The following CDH13 variants were observed in gnomAD, a reference collection of about 807,000 sequenced individuals.
The protein encoded by CDH13 is cadherin 13, also known as cadherin-13.
A neutral mutation model predicts 63.8 loss-of-function variants in CDH13; 24 were observed. The ratio of observed to expected loss-of-function variants is 0.38; its 90% CI spans 0.27 to 0.53. CDH13 has a LOEUF of 0.53. Ranked by LOEUF, CDH13 falls within the 20% of genes least tolerant of loss-of-function variation. CDH13 has a pLI of 0.85. For missense variants in CDH13, 1,049 were observed against 903.1 expected, an observed-to-expected ratio of 1.16 and a Z score of -2.07; for synonymous variants, 503 against 355.3, an observed-to-expected ratio of 1.42 and a Z score of -4.67.
At chr16:83,469,491 A>G (rs1410864849) in intron 6 of CDH13, among the ~76,000 whole-genome samples, 5 of 152,212 alleles carry the variant, frequency 3.3e-5, no homozygotes, top group African/African-American at 7.2e-5. Flanking sequence ...TCAGCGGGGA[A>G]TAACTAAAGC....
At chr16:83,322,431 C>T (rs140680974) in intron 5 of CDH13, among the ~76,000 whole-genome samples, 9 of 152,304 alleles carry the variant, frequency 5.9e-5, no homozygotes, top group Non-Finnish European at 1.3e-4. Flanking sequence ...TGCACTCACT[C>T]GGTGATGATT....
chr16:83,028,676 A>G (rs992739934), intron 2 of CDH13, among the ~76,000 whole-genome samples: 1 of 152,238 alleles, frequency 6.6e-6, no homozygotes, highest in South Asian at 2.1e-4. Flanking sequence ...TAAAATATTA[A>G]CAACAATAAC....
chr16:83,470,137 A>G (rs1168217673), intron 6 of CDH13, among the ~76,000 whole-genome samples: 2 of 152,134 alleles, frequency 1.3e-5, no homozygotes, highest in African/African-American at 2.4e-5. Flanking sequence ...ACCTGTGTGC[A>G]CACTCTCGCT....
At chr16:83,783,516 A>G in intron 13 of CDH13, 44 bp downstream of exon 13, 1 of 1,463,666 alleles carries the variant, frequency 6.8e-7, no homozygotes, top group Non-Finnish European at 9.6e-7. Context: ...AGGAAATTGT[A>G]ACTTCACTGG....
intron 3 of CDH13, among the ~76,000 whole-genome samples, chr16:83,093,583 G>A (rs552449995): frequency 6.6e-6 from 1 of 151,942 alleles, no homozygotes; most frequent in East Asian, 1.9e-4. Context: ...GCCTCCCAAA[G>A]TGCTGGGATT....
intron 10 of CDH13, among the ~76,000 whole-genome samples, chr16:83,719,070 T>G (rs1342346801): frequency 1.3e-5 from 2 of 152,328 alleles, no homozygotes; most frequent in Non-Finnish European, 1.5e-5. Flanking sequence ...GCACCCTCAA[T>G]GCCTCTTAAA....
At chr16:83,562,275 C>T (rs1044251440) in intron 7 of CDH13, among the ~76,000 whole-genome samples, 1 of 152,088 alleles carries the variant, frequency 6.6e-6, no homozygotes, top group East Asian at 1.9e-4. Context: ...GGATCCTTGT[C>T]AGATAATAAG....
intron 5 of CDH13, among the ~76,000 whole-genome samples, chr16:83,259,192 A>T (rs1906659085): frequency 6.6e-6 from 1 of 152,140 alleles, no homozygotes; most frequent in African/African-American, 2.4e-5. Context: ...AGATTGATAT[A>T]AACCTTATGG....
rs1367116394 is a variant in CDH13, at chr16:82,848,569, A to AT, written c.46-9780dup. The stretch of plus-strand genomic sequence containing the variant: ...AGTGACCTTTGATGTTACTATTGTG[A>AT]TTTTTTTTTTTTTGGGTGGGGGGAG... On this transcript the variant is annotated intron_variant, in intron 1 of 13. Transcript: ENST00000567109. 9.4e-3 allele frequency among the ~76,000 whole-genome samples: 1,144 copies of AT among 121,422 alleles called. 6 individuals are homozygous for AT. Among genetic ancestry groups the AT allele is most frequent in the Non-Finnish European group, 0.011 (652 of 59,606 alleles). The allele number at this position is 121,422 out of a possible 152,430, so 79.7% of individuals were successfully genotyped here. A position where few individuals can be genotyped will look rare whatever the true frequency, so the allele number is the denominator to read the frequency against.
chr16:82,675,768 G>T (rs1013276952), intron 1 of CDH13, among the ~76,000 whole-genome samples: 3 of 152,170 alleles, frequency 2.0e-5, no homozygotes, highest in African/African-American at 7.2e-5. Flanking sequence ...ATCCAGTCCA[G>T]CCTTTGTGAC....
chr16:82,640,522 G>A (rs1213799824), intron 1 of CDH13, among the ~76,000 whole-genome samples: 1 of 152,120 alleles, frequency 6.6e-6, no homozygotes, highest in African/African-American at 2.4e-5. Flanking sequence ...AGCCACAGCC[G>A]ATATGTAAAT....
chr16:82,875,875 C>A (rs973963578), intron 2 of CDH13, among the ~76,000 whole-genome samples: 5 of 152,130 alleles, frequency 3.3e-5, no homozygotes, highest in African/African-American at 1.2e-4. Context: ...CAGACATACC[C>A]GAGACTGGGC....
chr16:83,528,181 C>G lies in CDH13; in HGVS notation c.960+41526C>G, dbSNP rs142343140. On this transcript the variant is annotated intron_variant, in intron 7 of 13. Transcript: ENST00000567109. ...CTAAACATATTCAGCTTTAATCACA[C>G]TTGCACGCATGCCTTCTTCCTTAAA... Among the ~76,000 whole-genome samples the G allele has an allele frequency of 8.2e-3, 1,244 of 152,332 alleles. 13 individuals carry two copies. The highest frequency in any genetic ancestry group is 0.028 in the African/African-American group (1,158 of 41,578).
At position 83,643,302 on chromosome 16, in the gene CDH13, G is replaced by GAAAAA. The variant is rs1033707256; in HGVS notation, c.1102-27482_1102-27478dup. Among the ~76,000 whole-genome samples, 615 of 71,570 alleles carry GAAAAA rather than the reference G, an allele frequency of 8.6e-3. 23 individuals are homozygous for GAAAAA. The highest frequency in any genetic ancestry group is 0.013 in the African/African-American group (207 of 15,590). The allele number at this position is 71,570 out of a possible 152,430, so 47.0% of individuals were successfully genotyped here. A position where few individuals can be genotyped will look rare whatever the true frequency, so the allele number is the denominator to read the frequency against. On this transcript the variant is annotated intron_variant, in intron 8 of 13. Coordinates refer to ENST00000567109, the MANE Select transcript of CDH13 (RefSeq NM_001257.5). Reference sequence around the variant, plus strand: ...GTATAATAAAAAAAAAAAAAAAAAAGAAAAAAAAAATTTAACAGATCTCTC... The same window carrying GAAAAA: ...GTATAATAAAAAAAAAAAAAAAAAAGAAAAAAAAAAAAAAATTTAACAGATCTCTC...
chr16:83,457,430 T>C (rs749064189), intron 6 of CDH13, among the ~76,000 whole-genome samples: 2 of 152,144 alleles, frequency 1.3e-5, no homozygotes, highest in Non-Finnish European at 2.9e-5. Context: ...ACTCATTACA[T>C]AGCCCCAGAC....
intron 1 of CDH13, among the ~76,000 whole-genome samples, chr16:82,678,015 G>T (rs891209516): frequency 1.3e-5 from 2 of 152,048 alleles, no homozygotes; most frequent in African/African-American, 4.8e-5. Context: ...AATGAATCGT[G>T]GTCAGAATAG....
intron 3 of CDH13, among the ~76,000 whole-genome samples, chr16:83,057,321 G>A (rs72796223): frequency 0.035 from 5,301 of 152,104 alleles, 152 homozygotes; most frequent in African/African-American, 0.073. Context: ...GGTTACCTTT[G>A]AAAAGGTGAT....
chr16:83,723,161 G>A (rs1195920773), intron 10 of CDH13, among the ~76,000 whole-genome samples: 1 of 152,250 alleles, frequency 6.6e-6, no homozygotes, highest in Non-Finnish European at 1.5e-5. Context: ...GATGTGAGAA[G>A]CACGATGACT....
At chr16:83,234,168 C>T (rs553449219) in intron 5 of CDH13, among the ~76,000 whole-genome samples, 2 of 152,362 alleles carry the variant, frequency 1.3e-5, no homozygotes, top group East Asian at 1.9e-4. Context: ...TGTGGCAACA[C>T]TGGTGTCTCT....
Sources: allele counts gnomAD v4.1 joint callset (sites outside exome capture counted in the v4.1 genomes callset), GRCh38; gene constraint gnomAD v4.1.1; transcripts MANE v1.5; gene names NCBI Gene and HGNC (gene_info 2026-07-23, HGNC 2026-07-21).